TBCCD1: variants seen among roughly 807,000 people sequenced by gnomAD.
TBCCD1 encodes the protein TBCC domain containing 1.
TBCCD1 carries 26 observed loss-of-function variants against 53.4 expected under a neutral mutation model. That is an observed-to-expected ratio of 0.49 (90% CI 0.36 to 0.68). The LOEUF (loss-of-function observed/expected upper bound fraction) is 0.68. Among genes scored for constraint, TBCCD1 ranks in the 30% least tolerant of loss-of-function variants. The probability of loss-of-function intolerance (pLI) is 0.00; values close to 1 mark genes in which losing one functional copy is unlikely to be tolerated. For missense variants in TBCCD1, 558 were observed against 669.5 expected, an observed-to-expected ratio of 0.83 and a Z score of 1.84; for synonymous variants, 245 against 241.7, an observed-to-expected ratio of 1.01 and a Z score of -0.13.
intron 2 of TBCCD1, among the ~76,000 whole-genome samples, chr3:186,560,853 A>T (rs1463772029): frequency 6.6e-6 from 1 of 152,228 alleles, no homozygotes; most frequent in Non-Finnish European, 1.5e-5. Context: ...ATTTTCCACA[A>T]GGGTGTCAAG....
At chr3:186,547,480 T>G (rs1714246347) in intron 7 of TBCCD1, among the ~76,000 whole-genome samples, 1 of 152,074 alleles carries the variant, frequency 6.6e-6, no homozygotes, top group Admixed American at 6.5e-5. Context: ...GGTCTCAAAC[T>G]CCTGGCCTCA....
At position 186,551,123 on chromosome 3, in the gene TBCCD1, G is replaced by T. The variant is rs1164954473; in HGVS notation, c.*21+6C>A. Reference sequence around the variant, plus strand: ...AGAATCTGTTTTAAGTGGTATAAATGCCTACCAGTGTCTGCATGTAAGATC... The same window carrying T: ...AGAATCTGTTTTAAGTGGTATAAATTCCTACCAGTGTCTGCATGTAAGATC... On this transcript the variant is annotated splice_donor_region_variant and intron_variant, in intron 7 of 7. Transcript: ENST00000338733. 1.9e-6 allele frequency: 3 copies of T among 1,602,598 alleles called. No individual in the cohort carries two copies. The African/African-American group carries it at 4.0e-5, about 22-fold the overall frequency.
chr3:186,570,342 A>G (rs551273853), upstream of TBCCD1: 10 of 520,418 alleles, frequency 1.9e-5, no homozygotes, highest in Non-Finnish European at 3.4e-5. Context: ...TGTAGCACAG[A>G]GAAAACTTCT....
At chr3:186,558,384 T>C in intron 3 of TBCCD1, 33 bp downstream of exon 3, 1 of 1,599,126 alleles carries the variant, frequency 6.3e-7, no homozygotes, top group Non-Finnish European at 8.5e-7. Flanking sequence ...AAATTGTCCC[T>C]TTTAGAGAAT....
intron 6 of TBCCD1, among the ~76,000 whole-genome samples, chr3:186,551,716 T>G (rs1352583638): frequency 6.6e-6 from 1 of 152,220 alleles, no homozygotes; most frequent in Non-Finnish European, 1.5e-5. Context: ...GACTAACGCC[T>G]GTAATCCCAG....
upstream of TBCCD1, among the ~76,000 whole-genome samples, chr3:186,567,929 T>C (rs1714886916): frequency 6.6e-6 from 1 of 152,216 alleles, no homozygotes; most frequent in African/African-American, 2.4e-5. Flanking sequence ...TGAAGCTTTT[T>C]CAGATTACCG....
At chr3:186,548,062 T>C (rs1714264513) in intron 7 of TBCCD1, among the ~76,000 whole-genome samples, 1 of 152,180 alleles carries the variant, frequency 6.6e-6, no homozygotes, top group African/African-American at 2.4e-5. Flanking sequence ...ACACAAAAAC[T>C]TGTACACAAA....
At position 186,562,066 on chromosome 3, in the gene TBCCD1, G is replaced by A. The variant is rs1175054872; in HGVS notation, c.336+1928C>T. Among the ~76,000 whole-genome samples the A allele has an allele frequency of 2.0e-5, 3 of 152,290 alleles. No homozygotes were observed. The East Asian group carries it at 5.8e-4, about 29-fold the overall frequency. On this transcript the variant is annotated intron_variant, in intron 2 of 7. Coordinates refer to ENST00000338733, the MANE Select transcript of TBCCD1 (RefSeq NM_018138.5). ...TTAAAAAAGAAAGAAATCATGTTGG[G>A]TACAGTGGCTTATGCCTGTAATCCC...
intron 7 of TBCCD1, among the ~76,000 whole-genome samples, chr3:186,547,711 A>G (rs975474703): frequency 9.4e-5 from 14 of 149,258 alleles, no homozygotes; most frequent in African/African-American, 3.5e-4. Context: ...GGTTCACGCC[A>G]TTCTCCTGCC....
upstream of TBCCD1, chr3:186,570,266 C>T: frequency 1.7e-6 from 1 of 574,388 alleles, no homozygotes; most frequent in Non-Finnish European, 3.2e-6. Flanking sequence ...TGTTCCCGCT[C>T]ATTCGGCCGC....
chr3:186,558,842 G>A (rs1168541563), intron 2 of TBCCD1, among the ~76,000 whole-genome samples: 1 of 152,080 alleles, frequency 6.6e-6, no homozygotes, highest in East Asian at 1.9e-4. Flanking sequence ...CCTGGTTCAA[G>A]CGAGATTCTC....
intron 2 of TBCCD1, among the ~76,000 whole-genome samples, chr3:186,559,799 C>T (rs1469138609): frequency 1.3e-5 from 2 of 152,194 alleles, no homozygotes; most frequent in East Asian, 3.9e-4. Flanking sequence ...GTACCCTTTA[C>T]CCGCCTTGCC....
chr3:186,560,612 G>A (rs58501696), intron 2 of TBCCD1, among the ~76,000 whole-genome samples: 3,012 of 152,286 alleles, frequency 0.02, 99 homozygotes, highest in African/African-American at 0.068. Flanking sequence ...GTGGCAAATT[G>A]TATTATTATT....
intron 3 of TBCCD1, among the ~76,000 whole-genome samples, chr3:186,557,789 A>C (rs1239175546): frequency 1.3e-5 from 2 of 152,218 alleles, no homozygotes; most frequent in Non-Finnish European, 2.9e-5. Context: ...AAAAGTTCCA[A>C]ATAGCAAAGA....
At chr3:186,556,807 T>TTA (rs1285167617) in intron 3 of TBCCD1, 32 bp from the exon 4 acceptor site, 15 of 1,585,242 alleles carry the variant, frequency 9.5e-6, no homozygotes, top group Non-Finnish European at 8.5e-7. Flanking sequence ...GCACTCTTAA[T>TTA]AAAGAGATTC....
intron 3 of TBCCD1, among the ~76,000 whole-genome samples, chr3:186,557,443 T>A (rs1714574564): frequency 6.6e-6 from 1 of 152,098 alleles, no homozygotes; most frequent in Non-Finnish European, 1.5e-5. Flanking sequence ...GAGAGAGAGG[T>A]AGTGACTGGT....
chr3:186,547,537 T>C (rs1269350480), intron 7 of TBCCD1, among the ~76,000 whole-genome samples: 4 of 151,964 alleles, frequency 2.6e-5, no homozygotes, highest in Non-Finnish European at 5.9e-5. Flanking sequence ...ATTAGAGACA[T>C]AGGCCACTGC....
chr3:186,560,959 T>C (rs1714672996), intron 2 of TBCCD1, among the ~76,000 whole-genome samples: 1 of 152,190 alleles, frequency 6.6e-6, no homozygotes, highest in Non-Finnish European at 1.5e-5. Flanking sequence ...GCTTATACCA[T>C]ACACAATCAA....
upstream of TBCCD1, chr3:186,570,234 T>G: frequency 4.8e-6 from 3 of 628,664 alleles, no homozygotes; most frequent in Non-Finnish European, 8.8e-6. Context: ...ATGCGTCTGA[T>G]GTACACCTGT....
Sources: gnomAD v4.1 joint callset for allele counts (sites outside exome capture counted in the v4.1 genomes callset) on GRCh38, gnomAD v4.1.1 for gene constraint, MANE v1.5 for transcripts, NCBI Gene and HGNC (gene_info 2026-07-23, HGNC 2026-07-21) for gene names.